SYT14: variants seen among roughly 807,000 people sequenced by gnomAD.
The protein encoded by SYT14 is synaptotagmin-14.
A neutral mutation model predicts 74.2 loss-of-function variants in SYT14; 32 were observed. That is an observed-to-expected ratio of 0.43 (90% confidence interval 0.33 to 0.58). SYT14 has a LOEUF of 0.58. SYT14 is among the 20% of genes least tolerant of loss of function. The pLI, the probability that SYT14 is intolerant of heterozygous loss-of-function variation, is 0.05. For synonymous variants in SYT14, 298 were observed against 337.7 expected, an observed-to-expected ratio of 0.88 and a Z score of 1.29; for missense variants, 791 against 981.8, an observed-to-expected ratio of 0.81 and a Z score of 2.60.
chr1:210,110,652 C>T (rs993685892), intron 7 of SYT14, among the ~76,000 whole-genome samples: 13 of 152,230 alleles, frequency 8.5e-5, no homozygotes, highest in African/African-American at 3.1e-4. Flanking sequence ...AAGGATTATA[C>T]TAAAATGTCA....
At chr1:209,971,496 G>A (rs894839938) in intron 2 of SYT14, among the ~76,000 whole-genome samples, 15 of 152,078 alleles carry the variant, frequency 9.9e-5, no homozygotes, top group African/African-American at 3.6e-4. Flanking sequence ...CTTTTGTCCA[G>A]TCAGTATAAT....
chr1:210,128,105 G>T lies in SYT14; in HGVS notation c.2035-27616G>T, dbSNP rs142700977. ...TAGATTTTTAAGGCCAGGTATGGTG[G>T]CTCACGCCTGTAATCCCAGCACTTT... On this transcript the variant is annotated intron_variant, in intron 7 of 9. Coordinates refer to ENST00000637265, the Ensembl canonical transcript of SYT14. Among the ~76,000 whole-genome samples the T allele has an allele frequency of 1.2e-4, 19 of 152,228 alleles. No individual in the cohort carries two copies. The East Asian group carries it at 3.5e-3, about 28-fold the overall frequency.
Position 210,111,668 on chromosome 1 carries a change from G to A in SYT14, c.2034+11207G>A, listed in dbSNP as rs1317374361. 9.3e-5 allele frequency among the ~76,000 whole-genome samples: 14 copies of A among 151,150 alleles called. 1 individual carries two copies. The highest frequency in any genetic ancestry group is 2.2e-4 in the African/African-American group (9 of 40,458). On this transcript the variant is annotated intron_variant, in intron 7 of 9. Coordinates refer to ENST00000637265, the Ensembl canonical transcript of SYT14. ...TGTAGGGTTGTTAGAAGAAACATTT[G>A]TTGTATAGAATGATTGGTGATGGCC... is the stretch of plus-strand genomic sequence containing the variant.
intron 7 of SYT14, among the ~76,000 whole-genome samples, chr1:210,101,597 C>A (rs141357633): frequency 1.7e-4 from 25 of 151,392 alleles, no homozygotes; most frequent in African/African-American, 5.8e-4. Flanking sequence ...AACTTGTTAT[C>A]CTTTTAAATT....
chr1:210,145,614 T>C (rs17015667), intron 7 of SYT14, among the ~76,000 whole-genome samples: 7,283 of 152,278 alleles, frequency 0.048, 982 homozygotes, highest in East Asian at 0.41. Flanking sequence ...AAGTCTCTAA[T>C]AGAAATATTC....
chr1:210,072,015 G>A (rs1198962386), intron 5 of SYT14, among the ~76,000 whole-genome samples: 1 of 151,598 alleles, frequency 6.6e-6, no homozygotes, highest in Admixed American at 6.6e-5. Flanking sequence ...ATCACAGATT[G>A]TCATATTGGC....
At chr1:210,022,973 C>CT (rs1378510548) in intron 5 of SYT14, among the ~76,000 whole-genome samples, 1 of 152,110 alleles carries the variant, frequency 6.6e-6, no homozygotes, top group Admixed American at 6.5e-5. Flanking sequence ...AATCTAGGTG[C>CT]TTCTACTATT....
At chr1:210,167,582 T>A (rs889095321) in exon 10 of SYT14, 1 of 152,226 alleles carries the variant, frequency 6.6e-6, no homozygotes, top group Non-Finnish European at 1.5e-5. Flanking sequence ...CCCACAAAGA[T>A]ATGTGGTTAT....
At chr1:210,077,709 T>G (rs1379782114) in intron 5 of SYT14, among the ~76,000 whole-genome samples, 1 of 152,228 alleles carries the variant, frequency 6.6e-6, no homozygotes, top group Non-Finnish European at 1.5e-5. Context: ...CTATCTGCAA[T>G]TTATGAAAAT....
chr1:209,982,649 T>C (rs542219609), intron 2 of SYT14, among the ~76,000 whole-genome samples: 5 of 149,928 alleles, frequency 3.3e-5, no homozygotes, highest in South Asian at 2.1e-4. Context: ...ATAAAGCTGC[T>C]GTAAGCATCA....
rs200656473 is a variant in SYT14 at position 210,130,356 on chromosome 1, A to C, written c.2035-25365A>C. Among the ~76,000 whole-genome samples the C allele has an allele frequency of 4.6e-5, 7 of 152,346 alleles. No homozygotes were observed. In the East Asian group the frequency reaches 1.3e-3, roughly 29 times the overall value. ...AAGATGGATTAAAGTCATTATGACC[A>C]TGAGAAAAAAAATGGTTTTTTTTCC... is the stretch of plus-strand genomic sequence containing the variant. On this transcript the variant is annotated intron_variant, in intron 7 of 9. Coordinates refer to ENST00000637265, the Ensembl canonical transcript of SYT14.
intron 5 of SYT14, among the ~76,000 whole-genome samples, chr1:210,061,519 T>G (rs1466679628): frequency 6.6e-6 from 1 of 151,878 alleles, no homozygotes; most frequent in Non-Finnish European, 1.5e-5. Context: ...AAAGCAAATA[T>G]CCACAGTAAA....
At chr1:210,087,354 C>T (rs2081756425) in intron 5 of SYT14, among the ~76,000 whole-genome samples, 1 of 152,160 alleles carries the variant, frequency 6.6e-6, no homozygotes, top group Admixed American at 6.5e-5. Context: ...TGTGTGGCAC[C>T]CTCCTCACCC....
At position 210,133,395 on chromosome 1, in the gene SYT14, C is replaced by G. The variant is rs992021836; in HGVS notation, c.2035-22326C>G. 2.2e-4 allele frequency among the ~76,000 whole-genome samples: 33 copies of G among 152,140 alleles called. 1 individual carries two copies. The highest frequency in any genetic ancestry group is 8.8e-5 in the Non-Finnish European group (6 of 68,024). On this transcript the variant is annotated intron_variant, in intron 7 of 9. Coordinates refer to ENST00000637265, the Ensembl canonical transcript of SYT14. Reference sequence around the variant, plus strand: ...TTATCACTGGAGAAGTCCTCAGATTCTTATGCTGCTCTTCATATTTACTGA... The same window carrying G: ...TTATCACTGGAGAAGTCCTCAGATTGTTATGCTGCTCTTCATATTTACTGA...
In SYT14 at chr1:210,106,122, T is replaced by C. The variant is rs893822769; in HGVS notation, c.2034+5661T>C. On this transcript the variant is annotated intron_variant, in intron 7 of 9. Transcript: ENST00000637265. ...AAAGAATCTAAGGCACCATATGTGTTGCAGATTTGATTACCTGGGAAGCAG... is the reference window on the plus strand; with the variant it reads ...AAAGAATCTAAGGCACCATATGTGTCGCAGATTTGATTACCTGGGAAGCAG... 2.0e-5 allele frequency among the ~76,000 whole-genome samples: 3 copies of C among 152,340 alleles called. No homozygotes were observed. The East Asian group carries it at 5.8e-4, about 29-fold the overall frequency.
intron 5 of SYT14, among the ~76,000 whole-genome samples, chr1:210,075,900 A>G (rs1364063716): frequency 6.6e-6 from 1 of 152,130 alleles, no homozygotes; most frequent in African/African-American, 2.4e-5. Context: ...ATTTGTGTTA[A>G]ATAGTACCTG....
At chr1:210,119,109 T>C (rs2082411791) in intron 7 of SYT14, among the ~76,000 whole-genome samples, 1 of 152,184 alleles carries the variant, frequency 6.6e-6, no homozygotes, top group African/African-American at 2.4e-5. Context: ...TAAGAATATA[T>C]TTTATCAGCA....
chr1:210,028,289 A>G lies in SYT14; in HGVS notation c.1312+7035A>G, dbSNP rs2080456905. 1.3e-5 allele frequency among the ~76,000 whole-genome samples: 2 copies of G among 152,282 alleles called. 1 individual carries two copies. Among genetic ancestry groups the G allele is most frequent in the South Asian group, 4.1e-4 (2 of 4,826 alleles). ...AAAATTGTGGTAAAATACACATAAC[A>G]TAAAATTTACCATCTCAACCATTTT... On this transcript the variant is annotated intron_variant, in intron 5 of 9. Coordinates refer to ENST00000637265, the Ensembl canonical transcript of SYT14.
At chr1:210,062,877 A>C (rs10779520) in intron 5 of SYT14, among the ~76,000 whole-genome samples, 5,094 of 151,800 alleles carry the variant, frequency 0.034, 593 homozygotes, top group Admixed American at 0.23. Flanking sequence ...TGTATTATAT[A>C]TGCTGTGTGT....
Sources: gnomAD v4.1 joint callset for allele counts (sites outside exome capture counted in the v4.1 genomes callset) on GRCh38, gnomAD v4.1.1 for gene constraint, MANE v1.5 for transcripts, NCBI Gene and HGNC (gene_info 2026-07-23, HGNC 2026-07-21) for gene names.